Variants in CNTN4 observed in about 807,000 individuals in gnomAD.
The protein encoded by CNTN4 is contactin 4.
In CNTN4, 77 loss-of-function variants were observed where a neutral mutation model predicts 122.5. The observed-to-expected ratio is 0.63, with a 90% CI of 0.52 to 0.76. The LOEUF (loss-of-function observed/expected upper bound fraction) is 0.76, where lower values mean the gene tolerates loss of function less well. CNTN4 is among the 30% of genes least tolerant of loss of function. The pLI is 0.00. For synonymous variants in CNTN4, 512 were observed against 447.0 expected (o/e 1.15, Z -1.83); for missense variants, 1,256 against 1,259.1 (o/e 1.00, Z 0.04).
intron 4 of CNTN4, among the ~76,000 whole-genome samples, chr3:2,641,019 T>A (rs1227709009): frequency 6.6e-6 from 1 of 152,176 alleles, no homozygotes; most frequent in East Asian, 1.9e-4. Context: ...TTTCCTTGAT[T>A]TCTCAATTGT....
At chr3:2,588,114 C>G (rs572496689) in intron 4 of CNTN4, among the ~76,000 whole-genome samples, 4 of 151,894 alleles carry the variant, frequency 2.6e-5, no homozygotes, top group African/African-American at 9.7e-5. Flanking sequence ...AGCAGTATCA[C>G]TTGTTATAAG....
chr3:2,412,035 T>G (rs1352910042), intron 3 of CNTN4, among the ~76,000 whole-genome samples: 4 of 152,176 alleles, frequency 2.6e-5, no homozygotes, highest in African/African-American at 9.7e-5. Context: ...TAGATTAATT[T>G]TGCTTGTTCT....
chr3:2,460,032 G>A (rs750878910), intron 3 of CNTN4, among the ~76,000 whole-genome samples: 2 of 152,032 alleles, frequency 1.3e-5, no homozygotes, highest in African/African-American at 4.8e-5. Flanking sequence ...TACATGAGTT[G>A]CATCTTATCT....
intron 2 of CNTN4, among the ~76,000 whole-genome samples, chr3:2,187,252 A>G (rs776251302): frequency 3.9e-4 from 59 of 152,062 alleles, no homozygotes; most frequent in Non-Finnish European, 6.9e-4. Context: ...GTGTGGTATT[A>G]TTTCTGAGGG....
intron 14 of CNTN4, chr3:3,008,989 C>T: frequency 1.0e-6 from 1 of 985,300 alleles, no homozygotes; most frequent in Non-Finnish European, 1.2e-6. Context: ...TACAGAATCA[C>T]CAGCGTCTTT....
chr3:2,414,850 C>T (rs1001042883), intron 3 of CNTN4, among the ~76,000 whole-genome samples: 1 of 152,114 alleles, frequency 6.6e-6, no homozygotes, highest in African/African-American at 2.4e-5. Context: ...ATCAATTATA[C>T]TTAAGAATAT....
At chr3:2,734,801 G>C (rs886340730) in intron 4 of CNTN4, among the ~76,000 whole-genome samples, 2 of 151,994 alleles carry the variant, frequency 1.3e-5, no homozygotes, top group Admixed American at 6.6e-5. Context: ...TCAACAAAAG[G>C]CTGGTTATGA....
At chr3:2,662,937 T>C (rs999903180) in intron 4 of CNTN4, among the ~76,000 whole-genome samples, 14 of 151,918 alleles carry the variant, frequency 9.2e-5, no homozygotes, top group African/African-American at 3.4e-4. Flanking sequence ...CACATTTGTA[T>C]TTTAGTATAC....
intron 2 of CNTN4, among the ~76,000 whole-genome samples, chr3:2,293,977 G>T (rs930530783): frequency 6.6e-6 from 1 of 152,158 alleles, no homozygotes; most frequent in Admixed American, 6.5e-5. Flanking sequence ...GGTCTTGAAT[G>T]CATGGATGGT....
At chr3:2,576,057 G>C (rs553749810) in intron 4 of CNTN4, among the ~76,000 whole-genome samples, 81 of 151,990 alleles carry the variant, frequency 5.3e-4, no homozygotes, top group African/African-American at 1.4e-3. Flanking sequence ...GGATGGTCTC[G>C]ATCTCCTGAC....
At chr3:2,312,336 T>A (rs1245071101) in intron 2 of CNTN4, among the ~76,000 whole-genome samples, 1 of 152,124 alleles carries the variant, frequency 6.6e-6, no homozygotes, top group African/African-American at 2.4e-5. Context: ...TAAATAGTTT[T>A]CATCCTCCTG....
At chr3:2,240,167 G>C (rs148842491) in intron 2 of CNTN4, among the ~76,000 whole-genome samples, 3 of 152,244 alleles carry the variant, frequency 2.0e-5, no homozygotes, top group African/African-American at 7.2e-5. Flanking sequence ...TTTTAGTCTA[G>C]ATAGTAAGTC....
At chr3:2,518,585 G>C (rs1432070106) in intron 3 of CNTN4, among the ~76,000 whole-genome samples, 1 of 152,074 alleles carries the variant, frequency 6.6e-6, no homozygotes, top group Non-Finnish European at 1.5e-5. Context: ...ACCTCTGGTA[G>C]AATGTTTGAT....
At chr3:2,647,726 A>T (rs1221807359) in intron 4 of CNTN4, among the ~76,000 whole-genome samples, 1 of 152,170 alleles carries the variant, frequency 6.6e-6, no homozygotes, top group African/African-American at 2.4e-5. Context: ...TCACAAACAG[A>T]TGCAAACTAA....
intron 3 of CNTN4, among the ~76,000 whole-genome samples, chr3:2,363,236 T>C (rs993670559): frequency 6.6e-6 from 1 of 152,230 alleles, no homozygotes; most frequent in African/African-American, 2.4e-5. Context: ...ATTTTTCAAA[T>C]GTCTCCTATG....
intron 3 of CNTN4, among the ~76,000 whole-genome samples, chr3:2,552,075 G>T (rs865931660): frequency 1.3e-5 from 2 of 152,104 alleles, no homozygotes; most frequent in African/African-American, 2.4e-5. Flanking sequence ...AATATATAAA[G>T]TGAGGCATAG....
chr3:2,377,300 A>G (rs1184250547), intron 3 of CNTN4, among the ~76,000 whole-genome samples: 1 of 152,198 alleles, frequency 6.6e-6, no homozygotes, highest in Non-Finnish European at 1.5e-5. Context: ...AATGGGTTGC[A>G]TTGAACTCTC....
intron 3 of CNTN4, among the ~76,000 whole-genome samples, chr3:2,532,681 A>T (rs2077641960): frequency 6.6e-6 from 1 of 152,192 alleles, no homozygotes; most frequent in South Asian, 2.1e-4. Context: ...ACCAATTATT[A>T]GTGAAAACTA....
At chr3:2,745,462 C>A in intron 5 of CNTN4, 60 bp from the exon 6 acceptor site, 2 of 1,306,286 alleles carry the variant, frequency 1.5e-6, no homozygotes, top group East Asian at 2.3e-5. Context: ...ATATTTTAGA[C>A]AATTCAGAAA....
Sources: allele counts gnomAD v4.1 joint callset (sites outside exome capture counted in the v4.1 genomes callset), GRCh38; gene constraint gnomAD v4.1.1; transcripts MANE v1.5; gene names NCBI Gene and HGNC (gene_info 2026-07-23, HGNC 2026-07-21).